Variants in RALGAPA2 observed in about 807,000 individuals in gnomAD.
RALGAPA2 encodes the protein Ral GTPase activating protein catalytic subunit alpha 2.
In RALGAPA2, 139 loss-of-function variants were observed where a neutral mutation model predicts 230.4. The observed-to-expected ratio is 0.60, with a 90% CI of 0.53 to 0.69. The LOEUF is 0.69. Ranked by LOEUF, RALGAPA2 falls within the 30% of genes least tolerant of loss-of-function variation. The pLI, the probability that RALGAPA2 is intolerant of heterozygous loss-of-function variation, is 0.00. For missense variants in RALGAPA2, 2,163 were observed against 2,276.0 expected (o/e 0.95, Z 1.01); for synonymous variants, 847 against 837.8 (o/e 1.01, Z -0.19).
At chr20:20,516,915 G>A (rs947442642) in intron 31 of RALGAPA2, among the ~76,000 whole-genome samples, 2 of 152,208 alleles carry the variant, frequency 1.3e-5, no homozygotes, top group East Asian at 1.9e-4. Flanking sequence ...TCTTTCTGCC[G>A]GTTGGAAGTC....
intron 3 of RALGAPA2, among the ~76,000 whole-genome samples, chr20:20,670,528 T>C (rs891842865): frequency 1.3e-4 from 20 of 151,972 alleles, no homozygotes; most frequent in African/African-American, 4.1e-4. Context: ...AGATGGTAAA[T>C]GTAAATTCAT....
At chr20:20,634,760 C>A (rs368651820) in intron 9 of RALGAPA2, among the ~76,000 whole-genome samples, 1,658 of 152,326 alleles carry the variant, frequency 0.011, 17 homozygotes, top group South Asian at 0.06. Context: ...TGCTCTCTGA[C>A]CTCCACAAAT....
intron 10 of RALGAPA2, among the ~76,000 whole-genome samples, chr20:20,624,017 G>C (rs2066406463): frequency 6.6e-6 from 1 of 152,110 alleles, no homozygotes; most frequent in Admixed American, 6.5e-5. Flanking sequence ...ACCCAGCTAA[G>C]CTGCTCTTTA....
intron 33 of RALGAPA2, among the ~76,000 whole-genome samples, chr20:20,508,493 G>A (rs992159745): frequency 6.6e-6 from 1 of 152,162 alleles, no homozygotes; most frequent in Non-Finnish European, 1.5e-5. Flanking sequence ...CCATGTAGTG[G>A]CAAGAAGGCA....
At chr20:20,699,906 A>G (rs1230978363) in intron 1 of RALGAPA2, among the ~76,000 whole-genome samples, 1 of 152,222 alleles carries the variant, frequency 6.6e-6, no homozygotes, top group African/African-American at 2.4e-5. Context: ...TGAGTTTCTC[A>G]AAGAACTTAA....
At chr20:20,458,575 T>C (rs1405172903) in intron 37 of RALGAPA2, among the ~76,000 whole-genome samples, 20 of 136,854 alleles carry the variant, frequency 1.5e-4, no homozygotes, top group Admixed American at 1.4e-3. Context: ...ATATATAATA[T>C]ATATACCAAT....
chr20:20,516,829 GA>G (rs1473763345), intron 31 of RALGAPA2, among the ~76,000 whole-genome samples: 1 of 152,194 alleles, frequency 6.6e-6, no homozygotes, highest in Non-Finnish European at 1.5e-5. Context: ...TATTCCTAGG[GA>G]AAGTGGGAGA....
In RALGAPA2 at chr20:20,411,902, T is replaced by C. The variant is rs969210768; in HGVS notation, c.5617+125A>G. On this transcript the variant is annotated intron_variant, in intron 38 of 39. Coordinates refer to ENST00000202677, the MANE Select transcript of RALGAPA2 (RefSeq NM_020343.4). Reference sequence around the variant, plus strand: ...ATGTCATCATTCCTTTTGATATTCATTAGTTGATTCAGAGGGAGAATGCTC... The same window carrying C: ...ATGTCATCATTCCTTTTGATATTCACTAGTTGATTCAGAGGGAGAATGCTC... The C allele has an allele frequency of 1.8e-5, 22 of 1,254,784 alleles. 1 individual carries two copies. The highest frequency in any genetic ancestry group is 2.2e-5 in the Non-Finnish European group (20 of 893,118). The allele number at this position is 1,254,784 out of a possible 1,614,324, so 77.7% of individuals were successfully genotyped here.
chr20:20,528,602 G>T (rs2063288273), intron 27 of RALGAPA2, among the ~76,000 whole-genome samples: 1 of 152,088 alleles, frequency 6.6e-6, no homozygotes, highest in South Asian at 2.1e-4. Flanking sequence ...ACAAGAGTTG[G>T]TGAGTATGGC....
intron 1 of RALGAPA2, among the ~76,000 whole-genome samples, chr20:20,683,857 T>A (rs1349974364): frequency 1.3e-5 from 2 of 152,140 alleles, no homozygotes; most frequent in South Asian, 2.1e-4. Context: ...TAAGATAATA[T>A]CTGACAGGAT....
At position 20,601,852 on chromosome 20, in the gene RALGAPA2, A is replaced by G; in HGVS notation, c.2039-6T>C. 6.4e-7 allele frequency: 1 copy of G among 1,574,520 alleles called. No homozygotes were observed. Among genetic ancestry groups the G allele is most frequent in the Non-Finnish European group, 8.6e-7 (1 of 1,162,132 alleles). ...CTGAGGATCTAGAACACAGCCTGATAAAGGAAAAGAAAAATAATCTAAAGG... is the reference window on the plus strand; with the variant it reads ...CTGAGGATCTAGAACACAGCCTGATGAAGGAAAAGAAAAATAATCTAAAGG... On this transcript the variant is annotated splice_region_variant and splice_polypyrimidine_tract_variant and intron_variant, in intron 15 of 39. Coordinates refer to ENST00000202677, the MANE Select transcript of RALGAPA2 (RefSeq NM_020343.4).
chr20:20,555,634 T>C (rs1009902557), intron 23 of RALGAPA2, among the ~76,000 whole-genome samples: 4 of 152,240 alleles, frequency 2.6e-5, no homozygotes, highest in African/African-American at 4.8e-5. Context: ...GTTAAATTTA[T>C]TCCTAAGTAT....
intron 37 of RALGAPA2, among the ~76,000 whole-genome samples, chr20:20,469,105 C>T (rs2061485657): frequency 6.6e-6 from 1 of 152,190 alleles, no homozygotes; most frequent in Admixed American, 6.5e-5. Context: ...AGTATCTTCA[C>T]ATTTCTATTC....
intron 3 of RALGAPA2, chr20:20,659,729 TG>T: frequency 1.4e-6 from 1 of 737,874 alleles, no homozygotes; most frequent in Non-Finnish European, 2.2e-6. Flanking sequence ...TTATACACCT[TG>T]AAAGATGATG....
intron 37 of RALGAPA2, among the ~76,000 whole-genome samples, chr20:20,451,604 T>C (rs1387896414): frequency 1.3e-5 from 2 of 152,206 alleles, no homozygotes; most frequent in Non-Finnish European, 2.9e-5. Context: ...AGGTTATTTA[T>C]AAAAGAACCA....
At chr20:20,624,426 C>T (rs1052022102) in intron 10 of RALGAPA2, among the ~76,000 whole-genome samples, 4 of 151,226 alleles carry the variant, frequency 2.6e-5, no homozygotes, top group African/African-American at 9.7e-5. Flanking sequence ...CCTGAAAACA[C>T]TCAATGACAA....
intron 3 of RALGAPA2, among the ~76,000 whole-genome samples, chr20:20,662,776 G>A (rs1466839535): frequency 6.6e-6 from 1 of 152,204 alleles, no homozygotes; most frequent in African/African-American, 2.4e-5. Flanking sequence ...GAAAAGGTGA[G>A]AAAATCAGGG....
chr20:20,653,307 G>A (rs953820197), intron 4 of RALGAPA2, among the ~76,000 whole-genome samples: 6 of 151,490 alleles, frequency 4.0e-5, no homozygotes, highest in Admixed American at 1.3e-4. Flanking sequence ...GGCTTATGCT[G>A]CTGGCCTATG....
At chr20:20,513,372 C>A in intron 31 of RALGAPA2, 88 bp from the exon 32 acceptor site, 1 of 1,110,002 alleles carries the variant, frequency 9.0e-7, no homozygotes, top group Middle Eastern at 2.1e-4. Context: ...GGGCAGGGGG[C>A]AGTTCCAATA....
Sources: gnomAD v4.1 joint callset for allele counts (sites outside exome capture counted in the v4.1 genomes callset) on GRCh38, gnomAD v4.1.1 for gene constraint, MANE v1.5 for transcripts, NCBI Gene and HGNC (gene_info 2026-07-23, HGNC 2026-07-21) for gene names.